The following ZFAND3 variants were observed in gnomAD, a reference collection of about 807,000 sequenced individuals.
ZFAND3 encodes the protein AN1-type zinc finger protein 3.
ZFAND3 carries 10 observed loss-of-function variants against 29.6 expected under a neutral mutation model. The ratio of observed to expected loss-of-function variants is 0.34; its 90% CI spans 0.21 to 0.57. The LOEUF (loss-of-function observed/expected upper bound fraction) is 0.57, where lower values mean the gene tolerates loss of function less well. ZFAND3 is among the 20% of genes least tolerant of loss of function. The pLI is 0.86. For synonymous variants in ZFAND3, 128 were observed against 112.6 expected (o/e 1.14, Z -0.87); for missense variants, 230 against 304.5 (o/e 0.76, Z 1.82).
At chr6:38,132,547 C>G (rs1170306484) in intron 5 of ZFAND3, among the ~76,000 whole-genome samples, 1 of 152,192 alleles carries the variant, frequency 6.6e-6, no homozygotes, top group Non-Finnish European at 1.5e-5. Flanking sequence ...GGTCACAGAC[C>G]TACTGTGTGT....
At chr6:37,996,653 C>T (rs1762854287) in intron 2 of ZFAND3, among the ~76,000 whole-genome samples, 1 of 152,016 alleles carries the variant, frequency 6.6e-6, no homozygotes, top group Admixed American at 6.6e-5. Flanking sequence ...TTTCTTCAGA[C>T]TAATATTGTA....
At chr6:37,933,216 T>C (rs1216571612) in intron 2 of ZFAND3, among the ~76,000 whole-genome samples, 3 of 152,264 alleles carry the variant, frequency 2.0e-5, no homozygotes, top group Non-Finnish European at 4.4e-5. Context: ...TAAATAGTTA[T>C]TGTTTGCCAC....
chr6:37,869,871 A>G (rs555222247), intron 1 of ZFAND3, among the ~76,000 whole-genome samples: 1 of 148,952 alleles, frequency 6.7e-6, no homozygotes, highest in South Asian at 2.1e-4. Flanking sequence ...CATTTTCTCT[A>G]TTGTTTTTGT....
At chr6:37,953,248 C>T (rs912378712) in intron 2 of ZFAND3, among the ~76,000 whole-genome samples, 2 of 151,464 alleles carry the variant, frequency 1.3e-5, no homozygotes, top group African/African-American at 4.9e-5. Context: ...TTTAATGATT[C>T]TAATGTATCT....
At position 38,028,135 on chromosome 6, in the gene ZFAND3, T is replaced by C. The variant is rs1763483842; in HGVS notation, c.113-33458T>C. 2.0e-5 allele frequency among the ~76,000 whole-genome samples: 3 copies of C among 152,218 alleles called. 1 individual carries two copies. Among genetic ancestry groups the C allele is most frequent in the African/African-American group, 7.2e-5 (3 of 41,466 alleles). On this transcript the variant is annotated intron_variant, in intron 2 of 5. Transcript: ENST00000287218. ...TTCAGCCAGTATCCTAGAATGACAA[T>C]CAGTTCCAAGAACAGGCTAAAGCAC...
At chr6:37,821,895 G>A (rs1763674149) in intron 1 of ZFAND3, among the ~76,000 whole-genome samples, 1 of 152,164 alleles carries the variant, frequency 6.6e-6, no homozygotes, top group South Asian at 2.1e-4. Flanking sequence ...GTGCAGTGGC[G>A]TGATCTCGAC....
intron 2 of ZFAND3, among the ~76,000 whole-genome samples, chr6:37,981,152 G>A (rs1762573799): frequency 6.6e-6 from 1 of 152,236 alleles, no homozygotes; most frequent in East Asian, 1.9e-4. Flanking sequence ...CAGCCTAGAG[G>A]CTGATAGGGA....
chr6:38,015,478 G>A (rs1403370473), intron 2 of ZFAND3, among the ~76,000 whole-genome samples: 1 of 152,118 alleles, frequency 6.6e-6, no homozygotes, highest in Non-Finnish European at 1.5e-5. Context: ...CTTGTTCAAA[G>A]GAGTCAGGTA....
chr6:38,041,468 C>T (rs918248449), intron 2 of ZFAND3, among the ~76,000 whole-genome samples: 1 of 151,620 alleles, frequency 6.6e-6, no homozygotes, highest in South Asian at 2.1e-4. Flanking sequence ...TAAATTATAT[C>T]ATTATAAACC....
At chr6:38,088,066 C>G (rs971523726) in intron 4 of ZFAND3, among the ~76,000 whole-genome samples, 3 of 152,158 alleles carry the variant, frequency 2.0e-5, no homozygotes, top group African/African-American at 7.2e-5. Flanking sequence ...TGTGTTTTAT[C>G]TCCTGGTAGA....
chr6:37,871,985 G>A (rs2127388350), intron 1 of ZFAND3, among the ~76,000 whole-genome samples: 1 of 152,296 alleles, frequency 6.6e-6, no homozygotes, highest in South Asian at 2.1e-4. Context: ...TCCCATGCAT[G>A]TATATTTCAT....
chr6:37,933,786 A>G (rs925192579), intron 2 of ZFAND3, among the ~76,000 whole-genome samples: 1 of 151,282 alleles, frequency 6.6e-6, no homozygotes, highest in African/African-American at 2.4e-5. Context: ...TGTTTTTTAA[A>G]CTTTTTGACA....
intron 1 of ZFAND3, among the ~76,000 whole-genome samples, chr6:37,867,578 T>C (rs1426751162): frequency 6.6e-6 from 1 of 152,224 alleles, no homozygotes; most frequent in Non-Finnish European, 1.5e-5. Flanking sequence ...TTAATGTGGG[T>C]TTAAAAATTT....
chr6:37,944,312 G>C (rs1419564934), intron 2 of ZFAND3, among the ~76,000 whole-genome samples: 1 of 152,050 alleles, frequency 6.6e-6, no homozygotes. Flanking sequence ...CCCCAAACTT[G>C]ATGAAAATCT....
intron 2 of ZFAND3, among the ~76,000 whole-genome samples, chr6:37,945,151 G>A (rs963071852): frequency 1.3e-5 from 2 of 152,134 alleles, no homozygotes; most frequent in African/African-American, 2.4e-5. Flanking sequence ...GGTCCACTTC[G>A]TCTTAGCTAG....
chr6:37,940,020 AC>A (rs1761784353), intron 2 of ZFAND3, among the ~76,000 whole-genome samples: 1 of 152,126 alleles, frequency 6.6e-6, no homozygotes, highest in African/African-American at 2.4e-5. Flanking sequence ...AGCCTGGGCG[AC>A]AGAGCAAGGC....
chr6:38,033,540 G>C (rs774339096), intron 2 of ZFAND3, among the ~76,000 whole-genome samples: 2 of 152,134 alleles, frequency 1.3e-5, no homozygotes, highest in African/African-American at 4.8e-5. Context: ...AGAACAGCAT[G>C]TGTGTGACAG....
At chr6:38,150,363 C>T (rs1348543901) in intron 5 of ZFAND3, among the ~76,000 whole-genome samples, 1 of 152,202 alleles carries the variant, frequency 6.6e-6, no homozygotes, top group Non-Finnish European at 1.5e-5. Context: ...TTTCCTCACA[C>T]AATGGATGGC....
At chr6:38,148,620 T>A (rs1766156989) in intron 5 of ZFAND3, among the ~76,000 whole-genome samples, 1 of 152,156 alleles carries the variant, frequency 6.6e-6, no homozygotes, top group South Asian at 2.1e-4. Flanking sequence ...ATCCCAGAAT[T>A]CAATCAGAGA....
Sources: allele counts gnomAD v4.1 joint callset (sites outside exome capture counted in the v4.1 genomes callset), GRCh38; gene constraint gnomAD v4.1.1; transcripts MANE v1.5; gene names NCBI Gene and HGNC (gene_info 2026-07-23, HGNC 2026-07-21).